TMLHE: variants seen among roughly 807,000 people sequenced by gnomAD.
The protein encoded by TMLHE is trimethyllysine dioxygenase, mitochondrial.
Under a neutral mutation model 25.7 loss-of-function variants are expected in TMLHE, and 18 were observed. That is an observed-to-expected ratio of 0.70 (90% CI 0.48 to 1.04). The LOEUF (loss-of-function observed/expected upper bound fraction) is 1.04, where lower values mean the gene tolerates loss of function less well. TMLHE is among the 50% of genes least tolerant of loss of function. The pLI, the probability that TMLHE is intolerant of heterozygous loss-of-function variation, is 0.00. For missense variants in TMLHE, 236 were observed against 259.0 expected (o/e 0.91, Z 0.61); for synonymous variants, 105 against 97.0 (o/e 1.08, Z -0.49).
chrX:155,532,922 T>A (rs180845060), intron 2 of TMLHE, among the ~76,000 whole-genome samples: 2 of 111,170 alleles, frequency 1.8e-5, no homozygotes, highest in African/African-American at 6.5e-5. Context: ...ACTTTTAAAG[T>A]GTAATAAAAC....
At position 155,548,928 on chromosome X, in the gene TMLHE, G is replaced by A. The variant is rs192238696; in HGVS notation, c.-1-3651C>T. Among the ~76,000 whole-genome samples, 52 of 110,311 alleles carry A rather than the reference G, an allele frequency of 4.7e-4. 1 individual carries two copies. The highest frequency in any genetic ancestry group is 1.7e-3 in the East Asian group (6 of 3,556). On this transcript the variant is annotated intron_variant, in intron 1 of 7. Transcript: ENST00000334398. Reference sequence around the variant, plus strand: ...TGAGATATGATATAACCATCTGATCGGCAAAAATTAAGATGTCTGACAATA... The same window carrying A: ...TGAGATATGATATAACCATCTGATCAGCAAAAATTAAGATGTCTGACAATA...
chrX:155,509,077 G>T (rs1166563410), intron 5 of TMLHE, among the ~76,000 whole-genome samples: 5 of 111,277 alleles, frequency 4.5e-5, no homozygotes, highest in Non-Finnish European at 9.5e-5. Flanking sequence ...GATAGCTTTA[G>T]AGAGAGTAAA....
intron 2 of TMLHE, among the ~76,000 whole-genome samples, chrX:155,541,163 A>T (rs1253082725): frequency 1.8e-5 from 2 of 110,902 alleles, no homozygotes; most frequent in Admixed American, 9.6e-5. Flanking sequence ...TGTCATCTAC[A>T]TTAGGTATTT....
chrX:155,536,275 T>C (rs2067278485), intron 2 of TMLHE, among the ~76,000 whole-genome samples: 1 of 111,388 alleles, frequency 9.0e-6, no homozygotes, highest in Non-Finnish European at 1.9e-5. Flanking sequence ...TAGGTATTCA[T>C]TAAATGTTTG....
chrX:155,514,297 T>C (rs2067138090), intron 3 of TMLHE, 32 bp from the exon 4 acceptor site: 2 of 1,139,742 alleles, frequency 1.8e-6, no homozygotes, highest in Non-Finnish European at 2.3e-6. Flanking sequence ...GGCACTATAA[T>C]AATTACAAAT....
chrX:155,548,658 C>A (rs1286774997), intron 1 of TMLHE, among the ~76,000 whole-genome samples: 1 of 108,578 alleles, frequency 9.2e-6, no homozygotes, highest in Non-Finnish European at 1.9e-5. Context: ...TCGCTTGAAC[C>A]CAGGAGGCAA....
chrX:155,546,528 G>A (rs1287550267), intron 1 of TMLHE, among the ~76,000 whole-genome samples: 5 of 110,684 alleles, frequency 4.5e-5, no homozygotes, highest in Non-Finnish European at 9.5e-5. Flanking sequence ...GTGTGTGTGC[G>A]CGCATGCGTA....
intron 2 of TMLHE, 87 bp downstream of exon 2, chrX:155,545,009 T>C: frequency 9.8e-7 from 1 of 1,024,184 alleles, no homozygotes; most frequent in East Asian, 3.0e-5. Flanking sequence ...CACGATTTTA[T>C]CATTCCAATT....
chrX:155,504,643 C>G (rs1209786100), intron 6 of TMLHE, among the ~76,000 whole-genome samples: 1 of 111,327 alleles, frequency 9.0e-6, no homozygotes, highest in Admixed American at 9.6e-5. Flanking sequence ...TGAAACTAAG[C>G]ATTCACCTAC....
intron 1 of TMLHE, among the ~76,000 whole-genome samples, chrX:155,560,576 G>GAA (rs1569562164): frequency 1.8e-5 from 1 of 55,275 alleles, no homozygotes; most frequent in African/African-American, 3.9e-5. Flanking sequence ...TTGATCAAAG[G>GAA]AGGAGTTAGT....
At position 155,546,536 on chromosome X, in the gene TMLHE, G is replaced by T. The variant is rs5940478; in HGVS notation, c.-1-1259C>A. ...TGCCTGTGTGTGTGTGCGCGCATGC[G>T]TATGTGTGGGTATGTGAGTTGTAAG... On this transcript the variant is annotated intron_variant, in intron 1 of 7. Transcript: ENST00000334398. Among the ~76,000 whole-genome samples the T allele has an allele frequency of 2.7e-5, 3 of 109,373 alleles. No homozygotes were observed. The East Asian group carries it at 8.7e-4, about 32-fold the overall frequency. The allele number at this position is 109,373 out of a possible 115,157, so 95.0% of individuals were successfully genotyped here. A position where few individuals can be genotyped will look rare whatever the true frequency, so the allele number is the denominator to read the frequency against.
At chrX:155,588,111 A>C (rs782610135) in intron 1 of TMLHE, among the ~76,000 whole-genome samples, 10 of 112,250 alleles carry the variant, frequency 8.9e-5, no homozygotes, top group Non-Finnish European at 1.7e-4. Flanking sequence ...TTACAAGGCT[A>C]TAGTGTCTAA....
chrX:155,607,991 AT>A lies in TMLHE; in HGVS notation c.-2+4800del, dbSNP rs782118246. Among the ~76,000 whole-genome samples, 79 of 112,178 alleles carry A rather than the reference AT, an allele frequency of 7.0e-4. No individual in the cohort carries two copies. In the Middle Eastern group the frequency reaches 0.014, roughly 19 times the overall value. ...TTAAAATAGCCATACTGCTCAAAGCATTTTATAGATTCAATGCTATTCTTAT... is the reference window on the plus strand; with the variant it reads ...TTAAAATAGCCATACTGCTCAAAGCATTTATAGATTCAATGCTATTCTTAT... On this transcript the variant is annotated intron_variant, in intron 1 of 7. Transcript: ENST00000334398.
chrX:155,541,920 G>A (rs1278088086), intron 2 of TMLHE, among the ~76,000 whole-genome samples: 1 of 109,827 alleles, frequency 9.1e-6, no homozygotes, highest in African/African-American at 3.3e-5. Context: ...ATTTGTCTAA[G>A]TTCTTTGTAG....
chrX:155,592,854 T>A (rs1395748003), intron 1 of TMLHE, among the ~76,000 whole-genome samples: 5 of 111,934 alleles, frequency 4.5e-5, no homozygotes, highest in Non-Finnish European at 3.8e-5. Flanking sequence ...AGAAGCACAG[T>A]GGGAAGTTCA....
intron 1 of TMLHE, among the ~76,000 whole-genome samples, chrX:155,547,149 C>CT (rs1162368789): frequency 0.036 from 3,717 of 103,386 alleles, 88 homozygotes; most frequent in African/African-American, 0.058. Context: ...CTAATAGGTA[C>CT]TTTTTTTTTT....
intron 2 of TMLHE, among the ~76,000 whole-genome samples, chrX:155,543,849 C>T (rs1025325408): frequency 5.4e-5 from 6 of 111,042 alleles, no homozygotes; most frequent in Non-Finnish European, 9.5e-5. Context: ...AGGATTTTAC[C>T]ATGAATATTT....
chrX:155,562,809 G>T (rs189523081), intron 1 of TMLHE, among the ~76,000 whole-genome samples: 1,693 of 61,804 alleles, frequency 0.027, 234 homozygotes, highest in African/African-American at 0.056. Context: ...TCTCCCTCAA[G>T]TTCAAAGTTC....
At chrX:155,579,623 T>A (rs2067612681) in intron 1 of TMLHE, among the ~76,000 whole-genome samples, 1 of 111,932 alleles carries the variant, frequency 8.9e-6, no homozygotes, top group South Asian at 3.7e-4. Flanking sequence ...TCTGTCACTC[T>A]GGTAGTGAAC....
Sources: gnomAD v4.1 joint callset for allele counts (sites outside exome capture counted in the v4.1 genomes callset) on GRCh38, gnomAD v4.1.1 for gene constraint, MANE v1.5 for transcripts, NCBI Gene and HGNC (gene_info 2026-07-23, HGNC 2026-07-21) for gene names.